The following PALM2AKAP2 variants were observed in gnomAD, a reference collection of about 807,000 sequenced individuals.
PALM2AKAP2 encodes PALM2-AKAP2 fusion protein.
Under a neutral mutation model 71.5 loss-of-function variants are expected in PALM2AKAP2, and 37 were observed. The ratio of observed to expected loss-of-function variants is 0.52; its 90% confidence interval spans 0.40 to 0.68. The LOEUF (loss-of-function observed/expected upper bound fraction) is 0.68. Ranked by LOEUF, PALM2AKAP2 falls within the 30% of genes least tolerant of loss-of-function variation. PALM2AKAP2 has a pLI of 0.00. For synonymous variants in PALM2AKAP2, 468 were observed against 478.8 expected (o/e 0.98, Z 0.29); for missense variants, 1,224 against 1,191.8 (o/e 1.03, Z -0.40).
At chr9:109,788,494 C>A (rs75348192) in intron 1 of PALM2AKAP2, among the ~76,000 whole-genome samples, 2,363 of 152,298 alleles carry the variant, frequency 0.016, 64 homozygotes, top group African/African-American at 0.054. Flanking sequence ...AGCACACTCC[C>A]AGAGTGTCTA....
chr9:110,109,129 C>A (rs1835181048), intron 1 of PALM2AKAP2, among the ~76,000 whole-genome samples: 1 of 151,894 alleles, frequency 6.6e-6, no homozygotes, highest in Admixed American at 6.6e-5. Context: ...ACCAACCTTA[C>A]CGACATGGAG....
intron 2 of PALM2AKAP2, among the ~76,000 whole-genome samples, chr9:110,154,474 T>G (rs911654996): frequency 3.3e-5 from 5 of 152,178 alleles, no homozygotes; most frequent in African/African-American, 9.7e-5. Flanking sequence ...TGGTTTAAAA[T>G]AATTCAGCAA....
At chr9:110,109,215 G>A (rs1835182875) in intron 1 of PALM2AKAP2, among the ~76,000 whole-genome samples, 1 of 151,050 alleles carries the variant, frequency 6.6e-6, no homozygotes, top group South Asian at 2.1e-4. Flanking sequence ...TAGTCAGAAG[G>A]CTGAGGCAGG....
In PALM2AKAP2 at chr9:109,838,361, G is replaced by A. The variant is rs548647817; in HGVS notation, c.46-29130G>A. On this transcript the variant is annotated intron_variant, in intron 1 of 9. Transcript: ENST00000302798. ...AAAGACACAACATACCAGAATCTCC[G>A]GGACATATTTAAAGCAGTGTGTAGA... 1.3e-3 allele frequency among the ~76,000 whole-genome samples: 201 copies of A among 152,288 alleles called. 1 individual carries two copies. Among genetic ancestry groups the A allele is most frequent in the African/African-American group, 4.5e-3 (189 of 41,558 alleles).
intron 1 of PALM2AKAP2, among the ~76,000 whole-genome samples, chr9:109,807,554 G>T (rs1244412466): frequency 7.1e-6 from 1 of 140,254 alleles, no homozygotes; most frequent in African/African-American, 2.7e-5. Flanking sequence ...GCAGCTCTCT[G>T]GGACCTTTTT....
At chr9:109,776,347 C>T (rs1829348314), upstream of PALM2AKAP2, among the ~76,000 whole-genome samples, 1 of 152,188 alleles carries the variant, frequency 6.6e-6, no homozygotes, top group Non-Finnish European at 1.5e-5. Context: ...TCCTGTTTCA[C>T]CTAGGGTTCT....
At chr9:109,926,849 G>A (rs150811598) in intron 5 of PALM2AKAP2, among the ~76,000 whole-genome samples, 4 of 152,248 alleles carry the variant, frequency 2.6e-5, no homozygotes, top group African/African-American at 9.6e-5. Context: ...AAATGCAGCC[G>A]CATCATAAAC....
intron 1 of PALM2AKAP2, among the ~76,000 whole-genome samples, chr9:110,104,218 C>A (rs1362984104): frequency 6.6e-6 from 1 of 151,992 alleles, no homozygotes; most frequent in Non-Finnish European, 1.5e-5. Flanking sequence ...ATTTTGAGTT[C>A]AATCTGGTCG....
Position 109,893,401 on chromosome 9 carries a change from T to G in PALM2AKAP2, c.257+12720T>G, listed in dbSNP as rs1830129788. The stretch of plus-strand genomic sequence containing the variant: ...CCAGACCAATTGTGGGCAGACCAAG[T>G]TGAAAAGCGTGAGAGGCTAGAGTTA... On this transcript the variant is annotated intron_variant, in intron 3 of 9. Transcript: ENST00000302798. Among the ~76,000 whole-genome samples the G allele has an allele frequency of 3.3e-5, 5 of 152,312 alleles. No individual in the cohort carries two copies. In the South Asian group the frequency reaches 1.0e-3, roughly 32 times the overall value.
chr9:109,956,895 G>C (rs1016800573), intron 6 of PALM2AKAP2, among the ~76,000 whole-genome samples: 1 of 152,006 alleles, frequency 6.6e-6, no homozygotes, highest in African/African-American at 2.4e-5. Flanking sequence ...TTGCCTCCTT[G>C]CATCCTCTTA....
intron 2 of PALM2AKAP2, among the ~76,000 whole-genome samples, chr9:110,145,822 TAGA>T (rs1836151724): frequency 6.9e-6 from 1 of 145,314 alleles, no homozygotes; most frequent in Non-Finnish European, 1.5e-5. Flanking sequence ...ACATTCTCTT[TAGA>T]TATTACCCTT....
intron 1 of PALM2AKAP2, among the ~76,000 whole-genome samples, chr9:109,742,917 A>G (rs1482755459): frequency 6.6e-6 from 1 of 152,216 alleles, no homozygotes; most frequent in African/African-American, 2.4e-5. Flanking sequence ...CTTGTCAGAC[A>G]GCCTGTTGCC....
intron 3 of PALM2AKAP2, among the ~76,000 whole-genome samples, chr9:109,908,895 G>A (rs1190340104): frequency 1.3e-5 from 2 of 150,886 alleles, no homozygotes; most frequent in African/African-American, 2.4e-5. Context: ...GCTGGATTTA[G>A]GCACAATGAG....
intron 2 of PALM2AKAP2, among the ~76,000 whole-genome samples, chr9:110,153,171 A>T (rs1006493082): frequency 2.6e-5 from 4 of 152,208 alleles, no homozygotes; most frequent in African/African-American, 4.8e-5. Context: ...AATGTCTTTG[A>T]TGTTAAATGG....
At position 110,075,976 on chromosome 9, in the gene PALM2AKAP2, T is replaced by TA. The variant is rs565075290; in HGVS notation, c.156+27128dup. 3.4e-4 allele frequency among the ~76,000 whole-genome samples: 52 copies of TA among 152,230 alleles called. No individual in the cohort carries two copies. In the East Asian group the frequency reaches 8.3e-3, roughly 24 times the overall value. On this transcript the variant is annotated intron_variant, in intron 1 of 3. Coordinates refer to ENST00000374525, the Ensembl canonical transcript of PALM2AKAP2. ...TTACTTTATATAGTCTCAAAAGTGT[T>TA]AAAAAAATTCAGGAAATTTGACATT...
chr9:109,676,267 TTGTA>T (rs1277073406), intron 1 of PALM2AKAP2, among the ~76,000 whole-genome samples: 1 of 152,204 alleles, frequency 6.6e-6, no homozygotes, highest in Non-Finnish European at 1.5e-5. Context: ...TTCTATGATC[TTGTA>T]TTATACTAGA....
chr9:109,692,228 A>T (rs1382713325), intron 1 of PALM2AKAP2, among the ~76,000 whole-genome samples: 1 of 151,750 alleles, frequency 6.6e-6, no homozygotes, highest in East Asian at 1.9e-4. Context: ...TTCAATTTCC[A>T]ATTATTTACA....
intron 1 of PALM2AKAP2, among the ~76,000 whole-genome samples, chr9:109,664,403 G>T (rs993054574): frequency 1.3e-5 from 2 of 152,096 alleles, no homozygotes; most frequent in Non-Finnish European, 2.9e-5. Context: ...AAATCTCTCA[G>T]CATTTGCTTC....
intron 5 of PALM2AKAP2, among the ~76,000 whole-genome samples, chr9:109,928,745 C>T (rs778802278): frequency 2.6e-5 from 4 of 151,562 alleles, no homozygotes; most frequent in South Asian, 2.1e-4. Context: ...GGTCTCAGCT[C>T]ACTGCAACGT....
Sources: allele counts gnomAD v4.1 joint callset (sites outside exome capture counted in the v4.1 genomes callset), GRCh38; gene constraint gnomAD v4.1.1; transcripts MANE v1.5; gene names NCBI Gene and HGNC (gene_info 2026-07-23, HGNC 2026-07-21).